Variants in PPP6R3 observed in about 807,000 individuals in gnomAD.
PPP6R3 encodes protein phosphatase 6 regulatory subunit 3, also known as serine/threonine-protein phosphatase 6 regulatory subunit 3.
Under a neutral mutation model 110.7 loss-of-function variants are expected in PPP6R3, and 38 were observed. The ratio of observed to expected loss-of-function variants is 0.34; its 90% CI spans 0.26 to 0.45. The LOEUF (loss-of-function observed/expected upper bound fraction) is 0.45. Among genes scored for constraint, PPP6R3 ranks in the 20% least tolerant of loss-of-function variants. The pLI, the probability that PPP6R3 is intolerant of heterozygous loss-of-function variation, is 1.00. For missense variants in PPP6R3, 870 were observed against 1,062.4 expected (o/e 0.82, Z 2.52); for synonymous variants, 369 against 373.5 (o/e 0.99, Z 0.14).
chr11:68,547,409 G>A (rs1460378452), intron 4 of PPP6R3, among the ~76,000 whole-genome samples: 1 of 152,216 alleles, frequency 6.6e-6, no homozygotes, highest in South Asian at 2.1e-4. Flanking sequence ...GGATGCATGG[G>A]ACAGAGTCAT....
At chr11:68,518,722 ATTAT>A (rs2099149205) in intron 1 of PPP6R3, among the ~76,000 whole-genome samples, 1 of 152,224 alleles carries the variant, frequency 6.6e-6, no homozygotes, top group Non-Finnish European at 1.5e-5. Flanking sequence ...AATGTTTAAC[ATTAT>A]TTATTATCTT....
intron 23 of PPP6R3, among the ~76,000 whole-genome samples, chr11:68,612,152 G>C (rs1475969213): frequency 1.3e-5 from 2 of 152,238 alleles, no homozygotes; most frequent in Admixed American, 1.3e-4. Context: ...TTGTTTAAGT[G>C]AAGGCAAGTT....
chr11:68,562,429 TC>T (rs1478580890), intron 8 of PPP6R3, among the ~76,000 whole-genome samples: 3 of 152,162 alleles, frequency 2.0e-5, no homozygotes, highest in African/African-American at 7.2e-5. Flanking sequence ...TTTTTAGAAA[TC>T]AAGTGAATTC....
chr11:68,478,339 A>C (rs764115966), intron 1 of PPP6R3, among the ~76,000 whole-genome samples: 1 of 152,180 alleles, frequency 6.6e-6, no homozygotes, highest in Non-Finnish European at 1.5e-5. Flanking sequence ...CCGTTGCCCA[A>C]GCAAGTTAAG....
intron 3 of PPP6R3, among the ~76,000 whole-genome samples, chr11:68,543,671 C>G (rs1268614185): frequency 6.6e-6 from 1 of 152,230 alleles, no homozygotes; most frequent in Non-Finnish European, 1.5e-5. Flanking sequence ...TTTGCCATCT[C>G]TCTGTCTTGC....
Position 68,613,634 on chromosome 11 carries a change from C to G in PPP6R3, c.*517C>G, listed in dbSNP as rs1243562161. The G allele has an allele frequency of 1.0e-6, 1 of 985,628 alleles. No individual in the cohort carries two copies. The highest frequency in any genetic ancestry group is 1.1e-4 in the East Asian group (1 of 8,824). The allele number at this position is 985,628 out of a possible 1,614,324, so 61.1% of individuals were successfully genotyped here. A position where few individuals can be genotyped will look rare whatever the true frequency, so the allele number is the denominator to read the frequency against. On this transcript the variant is annotated 3_prime_UTR_variant, in exon 24 of 24. Transcript: ENST00000393800. Reference sequence around the variant, plus strand: ...GTGTTATTTTGGTTGTTCTAACTTACAAAAGTGATTTTGAATAAGAAATAT... The same window carrying G: ...GTGTTATTTTGGTTGTTCTAACTTAGAAAAGTGATTTTGAATAAGAAATAT...
intron 1 of PPP6R3, among the ~76,000 whole-genome samples, chr11:68,514,051 C>A (rs916100080): frequency 6.6e-6 from 1 of 152,152 alleles, no homozygotes; most frequent in Non-Finnish European, 1.5e-5. Flanking sequence ...CGTAGTTATA[C>A]GCATTTTAAT....
chr11:68,501,937 AC>A (rs1565453911), intron 1 of PPP6R3, among the ~76,000 whole-genome samples: 2 of 152,318 alleles, frequency 1.3e-5, no homozygotes, highest in East Asian at 3.9e-4. Context: ...ATAGAACTGA[AC>A]CAGTTTTGTC....
chr11:68,613,539 C>T lies in PPP6R3; in HGVS notation c.*422C>T. 1 of 986,690 alleles carries T rather than the reference C, an allele frequency of 1.0e-6. No homozygotes were observed. Among genetic ancestry groups the T allele is most frequent in the Non-Finnish European group, 1.2e-6 (1 of 830,588 alleles). The allele number at this position is 986,690 out of a possible 1,614,324, so 61.1% of individuals were successfully genotyped here. Reference sequence around the variant, plus strand: ...TAGGCGGTTTTCATACATTTTTCACCTTGTACAAAATTATGAATTCATTTT... The same window carrying T: ...TAGGCGGTTTTCATACATTTTTCACTTTGTACAAAATTATGAATTCATTTT... On this transcript the variant is annotated 3_prime_UTR_variant, in exon 24 of 24. Coordinates refer to ENST00000393800, the MANE Select transcript of PPP6R3 (RefSeq NM_001164161.2).
At chr11:68,477,741 A>AAAAAAAAAAAT in intron 1 of PPP6R3, among the ~76,000 whole-genome samples, 1 of 57,908 alleles carries the variant, frequency 1.7e-5, no homozygotes, top group African/African-American at 7.1e-5. Context: ...AAAAAAAAAA[A>AAAAAAAAAAAT]ATATATATAT....
intron 1 of PPP6R3, among the ~76,000 whole-genome samples, chr11:68,493,370 C>T (rs2098995352): frequency 6.6e-6 from 1 of 151,814 alleles, no homozygotes; most frequent in African/African-American, 2.4e-5. Flanking sequence ...ATAATTTCTC[C>T]CTCTATTTCA....
intron 18 of PPP6R3, among the ~76,000 whole-genome samples, chr11:68,593,930 C>T (rs982720464): frequency 6.6e-6 from 1 of 151,782 alleles, no homozygotes; most frequent in African/African-American, 2.4e-5. Context: ...GCTGGGAAGT[C>T]GAGGCTACAG....
chr11:68,604,822 A>G lies in PPP6R3; in HGVS notation c.2450+1330A>G, dbSNP rs951840903. The stretch of plus-strand genomic sequence containing the variant: ...CTCATGGAATATATTGAAGACCTGA[A>G]TATAAATACCAAGATTTGCCATGTT... On this transcript the variant is annotated intron_variant, in intron 22 of 23. Coordinates refer to ENST00000393800, the MANE Select transcript of PPP6R3 (RefSeq NM_001164161.2). 2.0e-5 allele frequency among the ~76,000 whole-genome samples: 3 copies of G among 152,252 alleles called. No homozygotes were observed. In the East Asian group the frequency reaches 5.8e-4, roughly 29 times the overall value.
chr11:68,552,238 A>G (rs2099384118), intron 6 of PPP6R3, among the ~76,000 whole-genome samples: 1 of 152,218 alleles, frequency 6.6e-6, no homozygotes, highest in Admixed American at 6.5e-5. Context: ...TTTGTCCTGA[A>G]GCTGGGAGAA....
intron 2 of PPP6R3, among the ~76,000 whole-genome samples, chr11:68,536,185 CAT>C (rs1491108897): frequency 2.1e-4 from 32 of 151,808 alleles, no homozygotes; most frequent in African/African-American, 7.3e-4. Context: ...ATTTAAAAAA[CAT>C]TTTTTTTTTG....
intron 14 of PPP6R3, among the ~76,000 whole-genome samples, chr11:68,581,483 T>C (rs1353691645): frequency 6.6e-6 from 1 of 152,254 alleles, no homozygotes; most frequent in East Asian, 1.9e-4. Context: ...GCTCAGTTCT[T>C]TGCATGGCCT....
At chr11:68,564,505 C>T in intron 9 of PPP6R3, 73 bp downstream of exon 9, 1 of 1,509,474 alleles carries the variant, frequency 6.6e-7, no homozygotes, top group African/African-American at 1.4e-5. Context: ...TGTGTACGGG[C>T]CTTAGGAGTG....
chr11:68,494,131 A>AC, intron 1 of PPP6R3, among the ~76,000 whole-genome samples: 1 of 920 alleles, frequency 1.1e-3, no homozygotes, highest in African/African-American at 4.5e-3. Context: ...TAAATAAAAA[A>AC]GATAATTAGA....
chr11:68,497,244 T>C (rs1464403336), intron 1 of PPP6R3, among the ~76,000 whole-genome samples: 3 of 145,740 alleles, frequency 2.1e-5, no homozygotes, highest in Non-Finnish European at 3.0e-5. Context: ...TTAGTAGAGA[T>C]GGGGTTTCAC....
Sources: gnomAD v4.1 joint callset for allele counts (sites outside exome capture counted in the v4.1 genomes callset) on GRCh38, gnomAD v4.1.1 for gene constraint, MANE v1.5 for transcripts, NCBI Gene and HGNC (gene_info 2026-07-23, HGNC 2026-07-21) for gene names.